The following SUGCT variants were observed in gnomAD, a reference collection of about 807,000 sequenced individuals.
SUGCT encodes the protein succinyl-CoA:glutarate-CoA transferase.
Under a neutral mutation model 55.0 loss-of-function variants are expected in SUGCT, and 41 were observed. The ratio of observed to expected loss-of-function variants is 0.74; its 90% CI spans 0.58 to 0.97. SUGCT has a LOEUF of 0.97. SUGCT is among the 50% of genes least tolerant of loss of function. SUGCT has a pLI of 0.00. For synonymous variants in SUGCT, 187 were observed against 200.4 expected (o/e 0.93, Z 0.56); for missense variants, 568 against 547.8 (o/e 1.04, Z -0.37).
intron 13 of SUGCT, among the ~76,000 whole-genome samples, chr7:40,847,681 C>T (rs933116491): frequency 6.6e-6 from 1 of 152,102 alleles, no homozygotes; most frequent in African/African-American, 2.4e-5. Context: ...TCCCAAAGTG[C>T]TGGGATTACA....
At chr7:40,772,556 ATCT>A (rs1257853324) in intron 13 of SUGCT, among the ~76,000 whole-genome samples, 2 of 125,736 alleles carry the variant, frequency 1.6e-5, no homozygotes, top group Non-Finnish European at 3.5e-5. Flanking sequence ...CTATCTATCT[ATCT>A]ATCTGGTGTT....
At chr7:40,757,169 G>T (rs1489153280) in intron 13 of SUGCT, among the ~76,000 whole-genome samples, 1 of 152,102 alleles carries the variant, frequency 6.6e-6, no homozygotes, top group Non-Finnish European at 1.5e-5. Context: ...TGTGAGAAAT[G>T]AATAGCACAG....
intron 9 of SUGCT, among the ~76,000 whole-genome samples, chr7:40,432,430 GT>G (rs1787938982): frequency 6.6e-6 from 1 of 152,094 alleles, no homozygotes; most frequent in Admixed American, 6.5e-5. Flanking sequence ...GCTTACGCCT[GT>G]AATCCCAGCA....
intron 12 of SUGCT, among the ~76,000 whole-genome samples, chr7:40,626,435 GGA>G (rs1172908855): frequency 6.6e-6 from 1 of 150,894 alleles, no homozygotes; most frequent in African/African-American, 2.4e-5. Flanking sequence ...TGTATTTTTG[GGA>G]GAGGTGAGGT....
intron 12 of SUGCT, among the ~76,000 whole-genome samples, chr7:40,652,269 G>A (rs530509550): frequency 6.6e-6 from 1 of 152,280 alleles, no homozygotes; most frequent in South Asian, 2.1e-4. Flanking sequence ...AGTTTTGCAT[G>A]TGGAGGGCAG....
At chr7:40,583,609 G>A (rs900440581) in intron 12 of SUGCT, among the ~76,000 whole-genome samples, 12 of 152,118 alleles carry the variant, frequency 7.9e-5, no homozygotes, top group Admixed American at 6.6e-4. Context: ...TAAACCAATG[G>A]CTCTTTTGGC....
At chr7:40,709,278 C>T (rs921174922) in intron 12 of SUGCT, among the ~76,000 whole-genome samples, 3 of 152,198 alleles carry the variant, frequency 2.0e-5, no homozygotes, top group South Asian at 2.1e-4. Flanking sequence ...TCCATTATCA[C>T]GCTAAGAAAA....
At chr7:40,686,799 T>G (rs1784488004) in intron 12 of SUGCT, among the ~76,000 whole-genome samples, 1 of 152,210 alleles carries the variant, frequency 6.6e-6, no homozygotes, top group South Asian at 2.1e-4. Context: ...GTTAATTGTC[T>G]GGTTTTCTGC....
intron 9 of SUGCT, among the ~76,000 whole-genome samples, chr7:40,364,894 C>T (rs1356809269): frequency 6.6e-6 from 1 of 152,132 alleles, no homozygotes; most frequent in African/African-American, 2.4e-5. Context: ...AAGAGGGAAT[C>T]CTCCCTAATT....
At chr7:40,326,819 C>G (rs1796048246) in intron 9 of SUGCT, among the ~76,000 whole-genome samples, 1 of 152,114 alleles carries the variant, frequency 6.6e-6, no homozygotes, top group Non-Finnish European at 1.5e-5. Flanking sequence ...GAGAAGCCCA[C>G]AAGATGGGAA....
At chr7:40,482,692 G>A (rs1791120266) in intron 11 of SUGCT, among the ~76,000 whole-genome samples, 2 of 152,116 alleles carry the variant, frequency 1.3e-5, no homozygotes, top group African/African-American at 2.4e-5. Context: ...AGCAATTCTG[G>A]TCAGGCCAAA....
chr7:40,781,068 G>T (rs1759580518), intron 13 of SUGCT, among the ~76,000 whole-genome samples: 1 of 152,122 alleles, frequency 6.6e-6, no homozygotes, highest in Non-Finnish European at 1.5e-5. Context: ...GGCTTTTGAA[G>T]AATGCTCATT....
chr7:40,499,032 T>C, intron 12 of SUGCT: 1 of 456,040 alleles, frequency 2.2e-6, no homozygotes, highest in South Asian at 1.6e-5. Context: ...TCCCTTGTTT[T>C]GCCTCTGATG....
intron 13 of SUGCT, among the ~76,000 whole-genome samples, chr7:40,853,980 T>A (rs753394474): frequency 1.3e-5 from 2 of 152,224 alleles, no homozygotes; most frequent in Non-Finnish European, 2.9e-5. Context: ...AAATAGACAA[T>A]TTAATGCTAA....
intron 7 of SUGCT, among the ~76,000 whole-genome samples, chr7:40,273,983 G>T (rs1017022983): frequency 1.3e-5 from 2 of 148,212 alleles, no homozygotes; most frequent in South Asian, 4.4e-4. Flanking sequence ...TGGGTAAATA[G>T]TCTTTTTTTA....
chr7:40,416,067 C>G (rs564323194), intron 9 of SUGCT, among the ~76,000 whole-genome samples: 3 of 151,998 alleles, frequency 2.0e-5, no homozygotes, highest in South Asian at 2.1e-4. Context: ...GTTTATAATA[C>G]TTTGGCATGA....
At chr7:40,360,998 A>C (rs1798124286) in intron 9 of SUGCT, among the ~76,000 whole-genome samples, 1 of 152,152 alleles carries the variant, frequency 6.6e-6, no homozygotes, top group Admixed American at 6.5e-5. Flanking sequence ...GTTATAATTG[A>C]TATTGCTTAA....
chr7:40,566,618 A>G (rs975128308), intron 12 of SUGCT, among the ~76,000 whole-genome samples: 2 of 152,196 alleles, frequency 1.3e-5, no homozygotes, highest in Admixed American at 1.3e-4. Context: ...GACCTTAAAA[A>G]TCTTTATTAT....
intron 12 of SUGCT, among the ~76,000 whole-genome samples, chr7:40,601,376 C>T (rs542936359): frequency 2.6e-5 from 4 of 152,244 alleles, no homozygotes; most frequent in East Asian, 1.9e-4. Context: ...GGACTGTAAC[C>T]GTCAAGAACA....
Sources: allele counts gnomAD v4.1 joint callset (sites outside exome capture counted in the v4.1 genomes callset), GRCh38; gene constraint gnomAD v4.1.1; transcripts MANE v1.5; gene names NCBI Gene and HGNC (gene_info 2026-07-23, HGNC 2026-07-21).